Variants in FMN2 observed in about 807,000 individuals in gnomAD.
FMN2 encodes the protein formin-2.
A neutral mutation model predicts 142.3 loss-of-function variants in FMN2; 51 were observed. The ratio of observed to expected loss-of-function variants is 0.36; its 90% CI spans 0.29 to 0.45. The LOEUF (loss-of-function observed/expected upper bound fraction) is 0.45. Ranked by LOEUF, FMN2 falls within the 20% of genes least tolerant of loss-of-function variation. The probability of loss-of-function intolerance (pLI) is 1.00; values close to 1 mark genes in which losing one functional copy is unlikely to be tolerated. For synonymous variants in FMN2, 882 were observed against 869.8 expected, an observed-to-expected ratio of 1.01 and a Z score of -0.25; for missense variants, 1,936 against 2,122.8, an observed-to-expected ratio of 0.91 and a Z score of 1.73.
intron 6 of FMN2, among the ~76,000 whole-genome samples, chr1:240,214,120 G>T (rs1186871526): frequency 1.3e-5 from 2 of 152,184 alleles, no homozygotes; most frequent in African/African-American, 2.4e-5. Context: ...TTACACAAAA[G>T]ATTAGCTGAG....
rs1048931607 is a variant in FMN2, at chr1:240,093,010, G to C, written c.901G>C (p.Val301Leu). The C allele has an allele frequency of 4.6e-5, 64 of 1,397,914 alleles. No homozygotes were observed. Among genetic ancestry groups the C allele is most frequent in the Non-Finnish European group, 5.5e-5 (60 of 1,084,544 alleles). 86.6% of individuals were successfully genotyped at this position (1,397,914 alleles called of 1,614,324 possible). Residue 301 changes from valine to leucine, a missense_variant, in exon 1 of 18, where the codon GTC becomes CTC. Transcript: ENST00000319653. ...ACCGCCGTCCCCCGGCGGCCTCCCGGTCTCCGAGGCGCCCAGTCTCCCGGC... is the reference window on the plus strand; with the variant it reads ...ACCGCCGTCCCCCGGCGGCCTCCCGCTCTCCGAGGCGCCCAGTCTCCCGGC... ...QQPPSPGGLP[V>L]SEAPSLPAAQ...
intron 16 of FMN2, among the ~76,000 whole-genome samples, chr1:240,460,408 A>G (rs754506605): frequency 5.9e-5 from 9 of 152,156 alleles, no homozygotes; most frequent in Non-Finnish European, 1.5e-5. Context: ...CCTGGGAAAC[A>G]TGGTGAAACG....
rs1389459734 is a variant in FMN2, at chr1:240,194,655, G to C, written c.1986+6393G>C. 2.6e-5 allele frequency among the ~76,000 whole-genome samples: 4 copies of C among 152,224 alleles called. No homozygotes were observed. In the East Asian group the frequency reaches 7.7e-4, roughly 29 times the overall value. ...TAGGAAAGAGGCCCCATCCTCAGGT[G>C]AAGGCTGAAACAGTAAGTTGTTTTG... On this transcript the variant is annotated intron_variant, in intron 4 of 17. Transcript: ENST00000319653.
chr1:240,466,926 C>T (rs964709139), intron 16 of FMN2, among the ~76,000 whole-genome samples: 8 of 152,118 alleles, frequency 5.3e-5, no homozygotes, highest in Non-Finnish European at 7.4e-5. Context: ...GAACTCCATT[C>T]GTTTTGTTAG....
intron 14 of FMN2, among the ~76,000 whole-genome samples, chr1:240,376,825 T>A (rs985394499): frequency 6.6e-6 from 1 of 152,154 alleles, no homozygotes; most frequent in Non-Finnish European, 1.5e-5. Flanking sequence ...GGCTTATATG[T>A]TATACATCTT....
chr1:240,118,677 T>C (rs1453473888), intron 1 of FMN2, among the ~76,000 whole-genome samples: 2 of 152,078 alleles, frequency 1.3e-5, no homozygotes, highest in African/African-American at 2.4e-5. Context: ...AATGGGTGGC[T>C]GTTTTGTGGT....
chr1:240,257,019 G>A (rs746976325), intron 6 of FMN2, among the ~76,000 whole-genome samples: 1 of 152,130 alleles, frequency 6.6e-6, no homozygotes, highest in Non-Finnish European at 1.5e-5. Context: ...TGTCACTTCT[G>A]GTAATTTGAC....
intron 14 of FMN2, among the ~76,000 whole-genome samples, chr1:240,383,022 G>A (rs1477772885): frequency 6.6e-6 from 1 of 152,080 alleles, no homozygotes; most frequent in Non-Finnish European, 1.5e-5. Flanking sequence ...AAAGGACACT[G>A]TATTCAATAA....
Position 240,144,613 on chromosome 1 carries a change from C to T in FMN2, c.1782+21268C>T, listed in dbSNP as rs191750027. ...TAGGAAAGCGGCTAAACTTTCAGAA[C>T]ACACCCAGGGCACAACGCAGTAGGA... On this transcript the variant is annotated intron_variant, in intron 2 of 17. Transcript: ENST00000319653. 13 of 1,304,778 alleles carry T rather than the reference C, an allele frequency of 1.0e-5. No homozygotes were observed. The Admixed American group carries it at 1.8e-4, about 19-fold the overall frequency. 80.8% of individuals were successfully genotyped at this position (1,304,778 alleles called of 1,614,324 possible).
chr1:240,366,840 C>A (rs533863480), intron 14 of FMN2, among the ~76,000 whole-genome samples: 1 of 152,230 alleles, frequency 6.6e-6, no homozygotes, highest in Admixed American at 6.5e-5. Flanking sequence ...CGTGAGCCAC[C>A]GCGCCCGGCC....
chr1:240,332,702 T>C (rs1460637334), intron 11 of FMN2, among the ~76,000 whole-genome samples: 1 of 152,212 alleles, frequency 6.6e-6, no homozygotes, highest in Non-Finnish European at 1.5e-5. Context: ...TCACTTGTAC[T>C]CAGAAGAGCT....
intron 7 of FMN2, among the ~76,000 whole-genome samples, chr1:240,288,588 C>T (rs1411122458): frequency 1.3e-5 from 2 of 152,112 alleles, no homozygotes; most frequent in South Asian, 2.1e-4. Flanking sequence ...TTCTGAGACT[C>T]ACGGCCCTGT....
intron 15 of FMN2, among the ~76,000 whole-genome samples, chr1:240,434,008 T>C (rs1675269705): frequency 2.0e-5 from 3 of 152,196 alleles, no homozygotes; most frequent in African/African-American, 7.2e-5. Flanking sequence ...CTCGATTCCA[T>C]TGCAGAGAAG....
chr1:240,422,583 T>C (rs966700286), intron 15 of FMN2, among the ~76,000 whole-genome samples: 1 of 152,248 alleles, frequency 6.6e-6, no homozygotes, highest in Non-Finnish European at 1.5e-5. Context: ...TTGAGTTTTG[T>C]ATATTGACTT....
chr1:240,182,782 T>G (rs912266706), intron 3 of FMN2, among the ~76,000 whole-genome samples: 3 of 152,160 alleles, frequency 2.0e-5, no homozygotes, highest in Admixed American at 6.5e-5. Context: ...TGTGAGTGTC[T>G]TCCTCAGTGT....
intron 16 of FMN2, among the ~76,000 whole-genome samples, chr1:240,443,811 T>G (rs1374761364): frequency 6.6e-6 from 1 of 152,044 alleles, no homozygotes; most frequent in Non-Finnish European, 1.5e-5. Flanking sequence ...GAAGGGAGAC[T>G]AACATTTATT....
intron 7 of FMN2, among the ~76,000 whole-genome samples, chr1:240,276,288 T>G (rs1286892839): frequency 1.3e-5 from 2 of 152,210 alleles, no homozygotes; most frequent in African/African-American, 4.8e-5. Context: ...TAACAAGGGT[T>G]GAGGTCTTGT....
intron 8 of FMN2, among the ~76,000 whole-genome samples, chr1:240,306,813 G>T (rs1441840798): frequency 6.6e-6 from 1 of 152,088 alleles, no homozygotes; most frequent in Non-Finnish European, 1.5e-5. Context: ...TAGTTCATTG[G>T]GAAATCTCCA....
At chr1:240,447,757 C>CG (rs202200490) in intron 16 of FMN2, among the ~76,000 whole-genome samples, 2 of 152,032 alleles carry the variant, frequency 1.3e-5, no homozygotes, top group African/African-American at 4.8e-5. Flanking sequence ...GTTTCTCTTG[C>CG]GGGGGGTACA....
Sources: gnomAD v4.1 joint callset for allele counts (sites outside exome capture counted in the v4.1 genomes callset) on GRCh38, gnomAD v4.1.1 for gene constraint, MANE v1.5 for transcripts, NCBI Gene and HGNC (gene_info 2026-07-23, HGNC 2026-07-21) for gene names.